Variants in ZBTB20 observed in about 807,000 individuals in gnomAD.
ZBTB20 encodes the protein zinc finger and BTB domain-containing protein 20.
ZBTB20 carries 9 observed loss-of-function variants against 56.9 expected under a neutral mutation model. The ratio of observed to expected loss-of-function variants is 0.16; its 90% CI spans 0.10 to 0.28. The LOEUF is 0.28. Among genes scored for constraint, ZBTB20 ranks in the 10% least tolerant of loss-of-function variants. The pLI, the probability that ZBTB20 is intolerant of heterozygous loss-of-function variation, is 1.00. For synonymous variants in ZBTB20, 417 were observed against 420.7 expected (o/e 0.99, Z 0.11); for missense variants, 655 against 1,003.0 (o/e 0.65, Z 4.69).
intron 2 of ZBTB20, among the ~76,000 whole-genome samples, chr3:115,012,379 T>C (rs550678092): frequency 1.3e-5 from 2 of 151,860 alleles, no homozygotes; most frequent in East Asian, 2.0e-4. Flanking sequence ...GGAAAAGATA[T>C]TCCATGCCAA....
At chr3:115,122,234 T>C (rs1327130219) in intron 1 of ZBTB20, among the ~76,000 whole-genome samples, 4 of 152,176 alleles carry the variant, frequency 2.6e-5, no homozygotes, top group African/African-American at 7.2e-5. Flanking sequence ...GATGAATTTC[T>C]AATGGGGGAA....
At chr3:114,397,721 A>G (rs750555845) in intron 7 of ZBTB20, among the ~76,000 whole-genome samples, 9 of 152,122 alleles carry the variant, frequency 5.9e-5, no homozygotes, top group Non-Finnish European at 1.2e-4. Context: ...ACTGAAAACT[A>G]TATATTCTAT....
intron 3 of ZBTB20, among the ~76,000 whole-genome samples, chr3:114,962,293 C>G (rs2077483169): frequency 6.6e-6 from 1 of 152,002 alleles, no homozygotes; most frequent in South Asian, 2.1e-4. Flanking sequence ...CAACCATACA[C>G]AAAATTGTAT....
At chr3:114,401,360 T>TA (rs1416622725) in intron 7 of ZBTB20, among the ~76,000 whole-genome samples, 1 of 152,160 alleles carries the variant, frequency 6.6e-6, no homozygotes, top group African/African-American at 2.4e-5. Flanking sequence ...AACACTCTTA[T>TA]ACTGCATAAA....
intron 10 of ZBTB20, among the ~76,000 whole-genome samples, chr3:114,377,397 T>C (rs1177927650): frequency 1.3e-5 from 2 of 152,220 alleles, no homozygotes; most frequent in Non-Finnish European, 1.5e-5. Flanking sequence ...TTGTTTTGAA[T>C]ACCACTGGGA....
At chr3:114,992,643 A>G (rs543328836) in intron 2 of ZBTB20, among the ~76,000 whole-genome samples, 1 of 152,030 alleles carries the variant, frequency 6.6e-6, no homozygotes, top group Non-Finnish European at 1.5e-5. Flanking sequence ...CCTGAAGCCA[A>G]TGAGAGGAGT....
intron 4 of ZBTB20, among the ~76,000 whole-genome samples, chr3:114,859,285 TTTCTTCCTTCC>T (rs1342881370): frequency 3.4e-5 from 1 of 29,398 alleles, no homozygotes; most frequent in Non-Finnish European, 2.0e-4. Context: ...CCTTCCTTCC[TTTCTTCCTTCC>T]TTCTTTCCTT....
At chr3:114,445,043 A>G (rs1281109846) in intron 7 of ZBTB20, among the ~76,000 whole-genome samples, 1 of 152,176 alleles carries the variant, frequency 6.6e-6, no homozygotes, top group Admixed American at 6.6e-5. Context: ...AGTGATTATG[A>G]TGCTCTGATG....
intron 1 of ZBTB20, among the ~76,000 whole-genome samples, chr3:115,137,349 A>G (rs1273615847): frequency 6.6e-6 from 1 of 152,090 alleles, no homozygotes; most frequent in African/African-American, 2.4e-5. Context: ...ACATGACAGA[A>G]GTACTTGGTT....
Position 114,316,396 on chromosome 3 carries a change from G to A in ZBTB20, c.*22609C>T, listed in dbSNP as rs1256852121. The stretch of plus-strand genomic sequence containing the variant: ...CCTTGTTTCCTCTGCTGCTGTTTGT[G>A]TAGCATCTGGTTTTGTAATGAGCAT... On this transcript the variant is annotated 3_prime_UTR_variant, in exon 12 of 12. Transcript: ENST00000675478. 2 of 447,406 alleles carry A rather than the reference G, an allele frequency of 4.5e-6. No individual in the cohort carries two copies. The highest frequency in any genetic ancestry group is 9.0e-6 in the Non-Finnish European group (2 of 221,088). The allele number at this position is 447,406 out of a possible 1,614,324, so 27.7% of individuals were successfully genotyped here. A position where few individuals can be genotyped will look rare whatever the true frequency, so the allele number is the denominator to read the frequency against.
chr3:114,849,439 A>AC (rs1383132131), intron 4 of ZBTB20, among the ~76,000 whole-genome samples: 1 of 152,226 alleles, frequency 6.6e-6, no homozygotes, highest in East Asian at 1.9e-4. Flanking sequence ...TTCCTCTGTG[A>AC]CCATGAGTAA....
chr3:115,079,123 G>A (rs2082702688), intron 1 of ZBTB20, among the ~76,000 whole-genome samples: 1 of 152,100 alleles, frequency 6.6e-6, no homozygotes, highest in African/African-American at 2.4e-5. Flanking sequence ...TTACAAGTTA[G>A]TACACTGTTC....
At position 114,339,870 on chromosome 3, in the gene ZBTB20, C is replaced by A. The variant is rs2079628303; in HGVS notation, c.1805-444G>T. On this transcript the variant is annotated intron_variant, in intron 11 of 11. Coordinates refer to ENST00000675478, the MANE Select transcript of ZBTB20 (RefSeq NM_001348800.3). The surrounding 1 kb of genome is among the most constrained non-coding windows in gnomAD (Gnocchi z 4.2). ...TTGGAGACATGGGGTGCTCTAGAAT[C>A]CTTGAGAACTAAGGATATTGGTCAC... Among the ~76,000 whole-genome samples, 1 of 152,106 alleles carries A rather than the reference C, an allele frequency of 6.6e-6. No individual in the cohort carries two copies. The highest frequency in any genetic ancestry group is 1.5e-5 in the Non-Finnish European group (1 of 68,006).
At chr3:114,942,764 A>C (rs1032955488) in intron 3 of ZBTB20, among the ~76,000 whole-genome samples, 3 of 145,998 alleles carry the variant, frequency 2.1e-5, no homozygotes, top group Non-Finnish European at 4.4e-5. Flanking sequence ...ATTACTTTTC[A>C]AATTCAAGGC....
intron 7 of ZBTB20, among the ~76,000 whole-genome samples, chr3:114,489,272 C>T (rs1338407397): frequency 6.6e-6 from 1 of 152,148 alleles, no homozygotes; most frequent in Non-Finnish European, 1.5e-5. Context: ...TTAGCAATTA[C>T]TAACTAGCTC....
At chr3:114,685,292 C>G (rs944905223) in intron 6 of ZBTB20, among the ~76,000 whole-genome samples, 3 of 152,084 alleles carry the variant, frequency 2.0e-5, no homozygotes, top group South Asian at 2.1e-4. Flanking sequence ...GTTCTTAGCC[C>G]GAAAAGTGAT....
intron 3 of ZBTB20, among the ~76,000 whole-genome samples, chr3:114,918,498 G>T (rs888464601): frequency 6.6e-6 from 1 of 152,108 alleles, no homozygotes; most frequent in Non-Finnish European, 1.5e-5. Flanking sequence ...ATGTTTCAGA[G>T]TCTCACTCAA....
At chr3:114,964,834 C>T (rs1276635358) in intron 3 of ZBTB20, among the ~76,000 whole-genome samples, 1 of 152,124 alleles carries the variant, frequency 6.6e-6, no homozygotes, top group Non-Finnish European at 1.5e-5. Context: ...AGAGATAACA[C>T]TACTAAACAA....
At position 114,351,319 on chromosome 3, in the gene ZBTB20, C is replaced by A; in HGVS notation, c.759G>T (p.Gln253His). 1 of 1,607,400 alleles carries A rather than the reference C, an allele frequency of 6.2e-7. No individual in the cohort carries two copies. The highest frequency in any genetic ancestry group is 1.1e-5 in the South Asian group (1 of 91,014). ...AAAAAGAGCGCTCGCCGCTGCCATT[C>A]TGCATGGAGCACGCGTAGAGTGCCG... ...IYSALYACSM[Q>H]NGSGERSFYS... The change falls in exon 11 of 12, where the codon CAG becomes CAT. Residue 253 changes from glutamine to histidine, a missense_variant. Transcript: ENST00000675478.
Sources: allele counts gnomAD v4.1 joint callset (sites outside exome capture counted in the v4.1 genomes callset), GRCh38; gene constraint gnomAD v4.1.1; non-coding constraint Gnocchi (gnomAD v3.1); transcripts MANE v1.5; gene names NCBI Gene and HGNC (gene_info 2026-07-23, HGNC 2026-07-21).